NR5A2: variants seen among roughly 807,000 people sequenced by gnomAD.
NR5A2 encodes the protein CYP7A promoter-binding factor.
NR5A2 carries 26 observed loss-of-function variants against 62.7 expected under a neutral mutation model. That is an observed-to-expected ratio of 0.41 (90% CI 0.30 to 0.58). NR5A2 has a LOEUF of 0.58. Ranked by LOEUF, NR5A2 falls within the 20% of genes least tolerant of loss-of-function variation. NR5A2 has a pLI of 0.22. For synonymous variants in NR5A2, 246 were observed against 241.7 expected (o/e 1.02, Z -0.16); for missense variants, 541 against 669.1 (o/e 0.81, Z 2.11).
chr1:200,095,389 A>G (rs929747656), intron 5 of NR5A2, among the ~76,000 whole-genome samples: 5 of 152,214 alleles, frequency 3.3e-5, no homozygotes, highest in Non-Finnish European at 7.3e-5. Flanking sequence ...ATAAAGTGGC[A>G]TGAGACTTCA....
rs556667171 is a variant in NR5A2 at position 200,143,935 on chromosome 1, G to A, written c.1378+22980G>A. On this transcript the variant is annotated intron_variant, in intron 7 of 7. Coordinates refer to ENST00000367362, the MANE Select transcript of NR5A2 (RefSeq NM_205860.3). ...ATTACAGGCATGAGCCACCATGCCCGGCTACTGTTCACCGTTTAAATCCTG... is the reference window on the plus strand; with the variant it reads ...ATTACAGGCATGAGCCACCATGCCCAGCTACTGTTCACCGTTTAAATCCTG... Among the ~76,000 whole-genome samples, 7 of 151,978 alleles carry A rather than the reference G, an allele frequency of 4.6e-5. No homozygotes were observed. The East Asian group carries it at 5.8e-4, about 13-fold the overall frequency.
At chr1:200,036,386 C>T (rs1050393153) in intron 1 of NR5A2, among the ~76,000 whole-genome samples, 1 of 152,146 alleles carries the variant, frequency 6.6e-6, no homozygotes, top group Non-Finnish European at 1.5e-5. Flanking sequence ...GGGTCCCTTG[C>T]CCAGCAGAAT....
At chr1:200,102,131 G>A (rs913835017) in intron 5 of NR5A2, among the ~76,000 whole-genome samples, 3 of 152,124 alleles carry the variant, frequency 2.0e-5, no homozygotes, top group African/African-American at 7.2e-5. Flanking sequence ...ACATCCCTGG[G>A]GACTAGGTAT....
chr1:200,124,046 C>T (rs1368364257), intron 7 of NR5A2, among the ~76,000 whole-genome samples: 1 of 151,980 alleles, frequency 6.6e-6, no homozygotes, highest in Non-Finnish European at 1.5e-5. Flanking sequence ...TCAGGTGATC[C>T]ACCTGCCTTG....
chr1:200,100,746 C>A (rs566784936), intron 5 of NR5A2, among the ~76,000 whole-genome samples: 30 of 152,314 alleles, frequency 2.0e-4, no homozygotes, highest in Non-Finnish European at 3.1e-4. Flanking sequence ...TTTACATAAT[C>A]TGGAATTCTC....
intron 6 of NR5A2, among the ~76,000 whole-genome samples, chr1:200,116,871 G>A (rs1288747432): frequency 6.6e-6 from 1 of 152,062 alleles, no homozygotes; most frequent in Non-Finnish European, 1.5e-5. Flanking sequence ...TTTGAAGTGG[G>A]GTCAGGTTTT....
chr1:200,067,933 CTT>C (rs1306745526), intron 5 of NR5A2, among the ~76,000 whole-genome samples: 1 of 152,136 alleles, frequency 6.6e-6, no homozygotes, highest in Non-Finnish European at 1.5e-5. Flanking sequence ...GCTCAGGAAA[CTT>C]TGCACTCCTT....
In NR5A2 at chr1:200,043,807, A is replaced by T. The variant is rs1165570721; in HGVS notation, c.236A>T (p.Asp79Val). The change falls in exon 3 of 8, where the codon GAT becomes GTT. Residue 79 changes from aspartate to valine, a missense_variant. By Grantham distance (152) the Asp-to-Val change is radical. This residue lies in a region of NR5A2 where 108 missense variants were observed against 103.3 expected (regional missense o/e 1.05). Coordinates refer to ENST00000367362, the MANE Select transcript of NR5A2 (RefSeq NM_205860.3). ...TTTAAAATGGTGAATTACTCCTATG[A>T]TGAAGATCTGGAAGAGCTTTGTCCC... is the stretch of plus-strand genomic sequence containing the variant. Reference protein sequence around the residue: ...SQFKMVNYSYDEDLEELCPVC... With the variant: ...SQFKMVNYSYVEDLEELCPVC... 1 of 1,613,564 alleles carries T rather than the reference A, an allele frequency of 6.2e-7. No homozygotes were observed. Among genetic ancestry groups the T allele is most frequent in the East Asian group, 2.2e-5 (1 of 44,860 alleles).
intron 1 of NR5A2, among the ~76,000 whole-genome samples, chr1:200,033,017 T>C (rs1232932726): frequency 6.6e-6 from 1 of 152,216 alleles, no homozygotes; most frequent in East Asian, 1.9e-4. Flanking sequence ...AAACCATATT[T>C]GGATCCTTCT....
chr1:200,088,297 G>A (rs1238883921), intron 5 of NR5A2, among the ~76,000 whole-genome samples: 2 of 150,528 alleles, frequency 1.3e-5, no homozygotes, highest in African/African-American at 4.9e-5. Context: ...TGCTCTTGTT[G>A]CCCAGGCTGG....
chr1:200,075,722 T>C (rs2102225669), intron 5 of NR5A2, among the ~76,000 whole-genome samples: 1 of 152,314 alleles, frequency 6.6e-6, no homozygotes, highest in East Asian at 1.9e-4. Context: ...CATGCTGGCT[T>C]TTCTCCCAGC....
At chr1:200,091,938 A>G (rs1044415650) in intron 5 of NR5A2, among the ~76,000 whole-genome samples, 3 of 152,150 alleles carry the variant, frequency 2.0e-5, no homozygotes, top group Non-Finnish European at 4.4e-5. Flanking sequence ...CGGTACATGA[A>G]CCACCAGCAT....
At chr1:200,150,054 ATGGATGGATGGATGGTTGGT>A (rs772384097) in intron 7 of NR5A2, among the ~76,000 whole-genome samples, 3 of 152,152 alleles carry the variant, frequency 2.0e-5, no homozygotes, top group Non-Finnish European at 4.4e-5. Flanking sequence ...GGATGGATGG[ATGGATGGATGGATGGTTGGT>A]TGGATGGATA....
rs180688222 is a variant in NR5A2 at position 200,153,402 on chromosome 1, G to A, written c.1379-20561G>A. Among the ~76,000 whole-genome samples, 405 of 152,320 alleles carry A rather than the reference G, an allele frequency of 2.7e-3. 1 individual carries two copies. Among genetic ancestry groups the A allele is most frequent in the Non-Finnish European group, 4.4e-3 (296 of 68,038 alleles). On this transcript the variant is annotated intron_variant, in intron 7 of 7. Transcript: ENST00000367362. ...CTTCCCCTGAGCCACATAGGAGAAT[G>A]TTGGCTCTGAGAATGTCGCAGCATC...
intron 5 of NR5A2, among the ~76,000 whole-genome samples, chr1:200,090,875 A>T (rs75631128): frequency 6.6e-6 from 1 of 152,270 alleles, no homozygotes; most frequent in East Asian, 1.9e-4. Flanking sequence ...ACTCACATTC[A>T]CGTACACAAT....
intron 5 of NR5A2, among the ~76,000 whole-genome samples, chr1:200,067,688 C>A (rs1055825337): frequency 1.3e-5 from 2 of 152,090 alleles, no homozygotes; most frequent in South Asian, 2.1e-4. Flanking sequence ...GGACTTAATA[C>A]CTGGGTGATA....
chr1:200,059,910 A>G (rs1243921480), intron 5 of NR5A2, among the ~76,000 whole-genome samples: 2 of 152,210 alleles, frequency 1.3e-5, no homozygotes, highest in Non-Finnish European at 2.9e-5. Context: ...CTCTAACCCA[A>G]GAAAACCACC....
chr1:200,139,250 G>A (rs183182729), intron 7 of NR5A2, among the ~76,000 whole-genome samples: 53 of 152,208 alleles, frequency 3.5e-4, no homozygotes, highest in African/African-American at 1.2e-3. Flanking sequence ...TCTACTAAAT[G>A]CCCTTATTAT....
At chr1:200,148,674 C>T (rs953518012) in intron 7 of NR5A2, among the ~76,000 whole-genome samples, 14 of 152,202 alleles carry the variant, frequency 9.2e-5, no homozygotes, top group African/African-American at 2.9e-4. Context: ...AAATAAAAAT[C>T]TCCCTGGTAA....
Sources: allele counts gnomAD v4.1 joint callset (sites outside exome capture counted in the v4.1 genomes callset), GRCh38; gene constraint gnomAD v4.1.1; regional missense constraint gnomAD v4.1.1; transcripts MANE v1.5; gene names NCBI Gene and HGNC (gene_info 2026-07-23, HGNC 2026-07-21).